Variants in ERG observed in about 807,000 individuals in gnomAD.
ERG encodes ETS transcription factor ERG, also known as transcriptional regulator ERG.
ERG carries 9 observed loss-of-function variants against 55.3 expected under a neutral mutation model. The ratio of observed to expected loss-of-function variants is 0.16; its 90% CI spans 0.10 to 0.28. ERG has a LOEUF of 0.28. Ranked by LOEUF, ERG falls within the 10% of genes least tolerant of loss-of-function variation. ERG has a pLI of 1.00. For synonymous variants in ERG, 223 were observed against 237.3 expected (o/e 0.94, Z 0.55); for missense variants, 434 against 631.6 (o/e 0.69, Z 3.35).
chr21:38,519,527 C>T (rs888567520), intron 2 of ERG, among the ~76,000 whole-genome samples: 4 of 152,224 alleles, frequency 2.6e-5, no homozygotes, highest in African/African-American at 4.8e-5. Flanking sequence ...TCCTCCTACT[C>T]TCAGGCTTCC....
intron 5 of ERG, among the ~76,000 whole-genome samples, chr21:38,402,075 A>G (rs1988521783): frequency 6.6e-6 from 1 of 152,222 alleles, no homozygotes; most frequent in African/African-American, 2.4e-5. Flanking sequence ...GTCTGTAGGA[A>G]AACAAATCAA....
chr21:38,442,775 T>C (rs1004040563), intron 2 of ERG, among the ~76,000 whole-genome samples: 2 of 152,210 alleles, frequency 1.3e-5, no homozygotes, highest in Non-Finnish European at 2.9e-5. Flanking sequence ...GTGTTTGCAC[T>C]TCTCCCACAA....
chr21:38,448,429 C>T (rs1569107460), intron 1 of ERG, among the ~76,000 whole-genome samples: 1 of 152,176 alleles, frequency 6.6e-6, no homozygotes, highest in Non-Finnish European at 1.5e-5. Flanking sequence ...TCAGGATAAA[C>T]ACTTCAAAAG....
chr21:38,588,916 A>G (rs189087441), upstream of ERG, among the ~76,000 whole-genome samples: 255 of 152,036 alleles, frequency 1.7e-3, no homozygotes, highest in Middle Eastern at 3.4e-3. Flanking sequence ...AATTTTGGAG[A>G]CATGAGATCT....
intron 2 of ERG, among the ~76,000 whole-genome samples, chr21:38,528,096 C>T (rs1555852214): frequency 6.6e-6 from 1 of 152,144 alleles, no homozygotes; most frequent in Non-Finnish European, 1.5e-5. Context: ...CTTTGGTGTT[C>T]CTTGGCTTAT....
In ERG at chr21:38,485,461, C is replaced by CTT. The variant is rs34211335; in HGVS notation, c.18+12900_18+12901dup. ...AATAAATTTAGTGTAAATATACAGT[C>CTT]TTTTTTTTTTTTTTTTTGAGATGGA... On this transcript the variant is annotated intron_variant, in intron 1 of 9. Transcript: ENST00000288319. Among the ~76,000 whole-genome samples, 1,122 of 130,366 alleles carry CTT rather than the reference C, an allele frequency of 8.6e-3. 17 individuals carry two copies. The highest frequency in any genetic ancestry group is 0.013 in the Non-Finnish European group (833 of 62,256). The allele number at this position is 130,366 out of a possible 152,430, so 85.5% of individuals were successfully genotyped here.
chr21:38,644,254 A>C (rs2060442892), intron 1 of ERG, among the ~76,000 whole-genome samples: 1 of 152,212 alleles, frequency 6.6e-6, no homozygotes. Context: ...AACCACCATG[A>C]TGATATTGTT....
intron 2 of ERG, among the ~76,000 whole-genome samples, chr21:38,548,614 ATTTTTTTT>A (rs58333375): frequency 2.8e-5 from 3 of 107,170 alleles, no homozygotes; most frequent in African/African-American, 3.7e-5. Flanking sequence ...CGCCCGGCTA[ATTTTTTTT>A]TTTTTTTTTT....
intron 2 of ERG, among the ~76,000 whole-genome samples, chr21:38,565,805 A>G (rs2059919370): frequency 6.6e-6 from 1 of 152,216 alleles, no homozygotes; most frequent in South Asian, 2.1e-4. Context: ...TCCCTTGAGC[A>G]CATTCTATCT....
intron 2 of ERG, among the ~76,000 whole-genome samples, chr21:38,556,989 C>T (rs2059862473): frequency 6.6e-6 from 1 of 152,206 alleles, no homozygotes; most frequent in Admixed American, 6.5e-5. Flanking sequence ...CAATAGAGAA[C>T]TCAGGCTTCC....
chr21:38,406,059 G>A (rs1988751725), intron 3 of ERG, among the ~76,000 whole-genome samples: 1 of 150,466 alleles, frequency 6.6e-6, no homozygotes, highest in South Asian at 2.1e-4. Context: ...GGAGGCTGAG[G>A]CAGGAAAATG....
At chr21:38,403,401 C>A in intron 4 of ERG, 105 bp downstream of exon 4, 4 of 1,114,944 alleles carry the variant, frequency 3.6e-6, no homozygotes, top group Non-Finnish European at 5.3e-6. Context: ...GGGAACTGGG[C>A]GAGGGCAGGA....
chr21:38,453,882 C>CAAAAAA (rs3065380), intron 1 of ERG, among the ~76,000 whole-genome samples: 2 of 129,822 alleles, frequency 1.5e-5, no homozygotes, highest in Non-Finnish European at 3.2e-5. Context: ...AAAACTCCAT[C>CAAAAAA]AAAAAAAAAA....
chr21:38,493,727 CT>C (rs1481458538), intron 1 of ERG, among the ~76,000 whole-genome samples: 2 of 152,154 alleles, frequency 1.3e-5, no homozygotes, highest in Admixed American at 6.5e-5. Flanking sequence ...CGGGCGACCC[CT>C]GGACGCTCCA....
intron 1 of ERG, among the ~76,000 whole-genome samples, chr21:38,606,034 AGAT>A (rs796389306): frequency 2.8e-4 from 43 of 152,138 alleles, no homozygotes; most frequent in African/African-American, 1.0e-3. Context: ...GATGATTGAT[AGAT>A]GATAAATGAT....
At chr21:38,446,281 C>T (rs1297834652) in intron 1 of ERG, among the ~76,000 whole-genome samples, 6 of 130,726 alleles carry the variant, frequency 4.6e-5, no homozygotes, top group Admixed American at 7.9e-5. Flanking sequence ...TGCTTCCAAA[C>T]AGCAGGATGT....
intron 1 of ERG, among the ~76,000 whole-genome samples, chr21:38,584,106 TC>T (rs2146881358): frequency 6.6e-6 from 1 of 152,338 alleles, no homozygotes; most frequent in Non-Finnish European, 1.5e-5. Context: ...AAGGCATGTC[TC>T]AGGCTCCATG....
chr21:38,530,334 G>A (rs1208014075), intron 2 of ERG, among the ~76,000 whole-genome samples: 1 of 152,166 alleles, frequency 6.6e-6, no homozygotes, highest in Non-Finnish European at 1.5e-5. Context: ...TGCCGGGATT[G>A]CAGAAGTGAG....
chr21:38,420,431 G>A (rs183880387), intron 3 of ERG, among the ~76,000 whole-genome samples: 5 of 152,266 alleles, frequency 3.3e-5, no homozygotes, highest in Admixed American at 2.6e-4. Flanking sequence ...ACTATTAACT[G>A]AATAACTGCC....
Sources: allele counts gnomAD v4.1 joint callset (sites outside exome capture counted in the v4.1 genomes callset), GRCh38; gene constraint gnomAD v4.1.1; transcripts MANE v1.5; gene names NCBI Gene and HGNC (gene_info 2026-07-23, HGNC 2026-07-21).